CTNNA2: variants seen among roughly 807,000 people sequenced by gnomAD.
CTNNA2 encodes catenin alpha-2.
In CTNNA2, 42 loss-of-function variants were observed where a neutral mutation model predicts 101.0. The observed-to-expected ratio is 0.42, with a 90% CI of 0.32 to 0.54. CTNNA2 has a LOEUF of 0.54. Ranked by LOEUF, CTNNA2 falls within the 20% of genes least tolerant of loss-of-function variation. The pLI, the probability that CTNNA2 is intolerant of heterozygous loss-of-function variation, is 0.14. For synonymous variants in CTNNA2, 450 were observed against 456.4 expected, an observed-to-expected ratio of 0.99 and a Z score of 0.18; for missense variants, 871 against 1,223.1, an observed-to-expected ratio of 0.71 and a Z score of 4.29.
chr2:79,306,045 CA>C (rs60219150), intron 2 of CTNNA2, among the ~76,000 whole-genome samples: 468 of 80,096 alleles, frequency 5.8e-3, no homozygotes, highest in Middle Eastern at 0.05. Context: ...GACACCATTT[CA>C]AAAAAAAAAA....
intron 3 of CTNNA2, among the ~76,000 whole-genome samples, chr2:79,813,869 G>T (rs569372757): frequency 1.7e-4 from 26 of 152,218 alleles, no homozygotes; most frequent in African/African-American, 5.8e-4. Context: ...ATATTGTTTT[G>T]TGCTTCTGGA....
chr2:79,324,069 A>G (rs573540237), intron 3 of CTNNA2, among the ~76,000 whole-genome samples: 1 of 152,326 alleles, frequency 6.6e-6, no homozygotes, highest in African/African-American at 2.4e-5. Flanking sequence ...AATTGAGTCC[A>G]TGCATTCAGT....
At chr2:79,276,056 T>G (rs1675204260) in intron 2 of CTNNA2, among the ~76,000 whole-genome samples, 1 of 152,012 alleles carries the variant, frequency 6.6e-6, no homozygotes, top group Non-Finnish European at 1.5e-5. Context: ...TGCAGACACC[T>G]GGGAAGACTA....
chr2:80,328,777 T>A (rs1671051434), intron 7 of CTNNA2, among the ~76,000 whole-genome samples: 1 of 152,246 alleles, frequency 6.6e-6, no homozygotes, highest in East Asian at 1.9e-4. Flanking sequence ...TGGTCGAACA[T>A]CGTAGAATGT....
chr2:79,999,060 C>T (rs982427208), intron 7 of CTNNA2, among the ~76,000 whole-genome samples: 1 of 151,302 alleles, frequency 6.6e-6, no homozygotes, highest in African/African-American at 2.4e-5. Context: ...CAAATTGTTT[C>T]TAATTCCATA....
chr2:79,405,515 A>G (rs1368295763), intron 4 of CTNNA2, among the ~76,000 whole-genome samples: 1 of 151,736 alleles, frequency 6.6e-6, no homozygotes, highest in Non-Finnish European at 1.5e-5. Flanking sequence ...TATTAGAGAC[A>G]TGGTTTCATC....
Position 79,966,044 on chromosome 2 carries a change from C to T in CTNNA2, c.1056+56247C>T, listed in dbSNP as rs185517921. 5.0e-3 allele frequency among the ~76,000 whole-genome samples: 758 copies of T among 152,036 alleles called. 5 individuals carry two copies. Among genetic ancestry groups the T allele is most frequent in the African/African-American group, 0.017 (705 of 41,456 alleles). On this transcript the variant is annotated intron_variant, in intron 7 of 18. Transcript: ENST00000402739. ...GGGTATGTTACTATTTGCTGTCCTT[C>T]ATATCCAAAAGAGATGCTCGTAACC... is the stretch of plus-strand genomic sequence containing the variant.
chr2:79,211,656 T>C (rs1021057615), intron 2 of CTNNA2, among the ~76,000 whole-genome samples: 1 of 152,132 alleles, frequency 6.6e-6, no homozygotes, highest in African/African-American at 2.4e-5. Flanking sequence ...TCATTTCTTT[T>C]GTGGTGGAAT....
intron 3 of CTNNA2, among the ~76,000 whole-genome samples, chr2:79,338,588 T>TCTTCTTCTTCTTCTTCTC (rs1375067859): frequency 7.5e-6 from 1 of 132,934 alleles, no homozygotes; most frequent in Non-Finnish European, 1.5e-5. Flanking sequence ...ATCTTCTTCT[T>TCTTCTTCTTCTTCTTCTC]CTTCTTCTTC....
intron 7 of CTNNA2, among the ~76,000 whole-genome samples, chr2:80,146,059 C>T (rs141943766): frequency 6.2e-4 from 95 of 152,292 alleles, no homozygotes; most frequent in South Asian, 1.9e-3. Flanking sequence ...ATTTGCAGTA[C>T]TTTCTCTTGG....
At chr2:79,615,669 C>G (rs1357233053) in intron 1 of CTNNA2, among the ~76,000 whole-genome samples, 1 of 152,150 alleles carries the variant, frequency 6.6e-6, no homozygotes, top group Non-Finnish European at 1.5e-5. Flanking sequence ...TTCTGGCTCT[C>G]AAACTTTGTT....
intron 6 of CTNNA2, among the ~76,000 whole-genome samples, chr2:79,897,272 G>A (rs1684781127): frequency 6.6e-6 from 1 of 150,864 alleles, no homozygotes; most frequent in African/African-American, 2.5e-5. Flanking sequence ...TTTGAGGCCA[G>A]TGGGGTAGTG....
At chr2:79,790,941 T>C (rs1022406553) in intron 3 of CTNNA2, among the ~76,000 whole-genome samples, 54 of 152,204 alleles carry the variant, frequency 3.5e-4, no homozygotes, top group African/African-American at 1.2e-3. Flanking sequence ...ATTTAGAACA[T>C]AGAGAACATA....
At chr2:79,729,650 G>A (rs1687081226) in intron 2 of CTNNA2, among the ~76,000 whole-genome samples, 1 of 152,066 alleles carries the variant, frequency 6.6e-6, no homozygotes, top group South Asian at 2.1e-4. Flanking sequence ...ACCTTGACAA[G>A]CATAATTGCA....
At chr2:80,580,254 G>C (rs1035581459) in intron 13 of CTNNA2, among the ~76,000 whole-genome samples, 1 of 152,170 alleles carries the variant, frequency 6.6e-6, no homozygotes, top group Non-Finnish European at 1.5e-5. Flanking sequence ...TTAATGCACA[G>C]TTATCTATTA....
At chr2:80,100,980 C>T (rs761663587) in intron 7 of CTNNA2, among the ~76,000 whole-genome samples, 23 of 152,140 alleles carry the variant, frequency 1.5e-4, no homozygotes, top group Admixed American at 3.9e-4. Context: ...TAAAAACATC[C>T]CTTTGTTTCT....
At chr2:80,409,780 C>T (rs1232463892) in intron 8 of CTNNA2, among the ~76,000 whole-genome samples, 4 of 152,116 alleles carry the variant, frequency 2.6e-5, no homozygotes, top group Admixed American at 1.3e-4. Flanking sequence ...ACTCTCATTT[C>T]GTTTCTTTGG....
At chr2:80,004,933 T>C (rs1693226266) in intron 7 of CTNNA2, among the ~76,000 whole-genome samples, 1 of 152,094 alleles carries the variant, frequency 6.6e-6, no homozygotes, top group Non-Finnish European at 1.5e-5. Context: ...GAGCTCCTTG[T>C]AATCTGCTGG....
intron 1 of CTNNA2, among the ~76,000 whole-genome samples, chr2:79,520,058 G>A (rs1403159081): frequency 6.6e-6 from 1 of 152,164 alleles, no homozygotes; most frequent in Non-Finnish European, 1.5e-5. Flanking sequence ...AGGACCTGGT[G>A]GTCACCAGTC....
Sources: allele counts gnomAD v4.1 joint callset (sites outside exome capture counted in the v4.1 genomes callset), GRCh38; gene constraint gnomAD v4.1.1; transcripts MANE v1.5; gene names NCBI Gene and HGNC (gene_info 2026-07-23, HGNC 2026-07-21).